The following CDH1 variants were observed in gnomAD, a reference collection of about 807,000 sequenced individuals.
The protein encoded by CDH1 is cadherin-1.
In CDH1, 35 loss-of-function variants were observed where a neutral mutation model predicts 84.5. The ratio of observed to expected loss-of-function variants is 0.41; its 90% confidence interval spans 0.32 to 0.55. CDH1 has a LOEUF of 0.55. CDH1 is among the 20% of genes least tolerant of loss of function. The pLI is 0.19. For synonymous variants in CDH1, 417 were observed against 439.0 expected, an observed-to-expected ratio of 0.95 and a Z score of 0.63; for missense variants, 994 against 1,126.6, an observed-to-expected ratio of 0.88 and a Z score of 1.68.
At chr16:68,832,676 C>T (rs1397804055) in intron 15 of CDH1, among the ~76,000 whole-genome samples, 3 of 151,168 alleles carry the variant, frequency 2.0e-5, no homozygotes, top group South Asian at 2.1e-4. Context: ...AAAAATTAGC[C>T]GGGCATGGTG....
intron 10 of CDH1, among the ~76,000 whole-genome samples, 200 bp downstream of exon 10, chr16:68,815,959 G>A (rs1234111561): frequency 6.6e-6 from 1 of 152,130 alleles, no homozygotes; most frequent in Non-Finnish European, 1.5e-5. Context: ...TTGGTCTGAT[G>A]TGCTGCCTCT....
rs761180883 is a variant in CDH1 at position 68,819,285 on chromosome 16, G to A, written c.1571G>A (p.Arg524Gln). 7 of 1,614,052 alleles carry A rather than the reference G, an allele frequency of 4.3e-6. No individual in the cohort carries two copies. Among genetic ancestry groups the A allele is most frequent in the South Asian group, 1.1e-5 (1 of 91,078 alleles). ...DTFMEQKITY[R>Q]IWRDTANWLE... The stretch of plus-strand genomic sequence containing the variant: ...CAGAGCTTGTCCCCGTTCAGATATC[G>A]GATTTGGAGAGACACTGCCAACTGG... Residue 524 changes from arginine (R) to glutamine (Q), a missense_variant, in exon 11 of 16, where the codon CGG becomes CAG. This residue lies in a region of CDH1 where 769 missense variants were observed against 881.8 expected (regional missense o/e 0.87). Transcript: ENST00000261769.
chr16:68,782,643 C>T (rs756863983), intron 2 of CDH1, among the ~76,000 whole-genome samples: 1 of 152,202 alleles, frequency 6.6e-6, no homozygotes, highest in Non-Finnish European at 1.5e-5. Context: ...CAGGAGGCTA[C>T]AGCCTAGTTC....
At chr16:68,769,519 G>C (rs1303405459) in intron 2 of CDH1, among the ~76,000 whole-genome samples, 2 of 151,292 alleles carry the variant, frequency 1.3e-5, no homozygotes, top group Admixed American at 1.3e-4. Context: ...ATGTTGCCCA[G>C]GCTGGTCTTG....
intron 2 of CDH1, among the ~76,000 whole-genome samples, chr16:68,756,015 C>T (rs776506896): frequency 5.9e-4 from 90 of 151,604 alleles, no homozygotes; most frequent in Admixed American, 1.3e-3. Context: ...AAGCCCTCCT[C>T]GGCCTCCCAA....
In CDH1 at chr16:68,771,522, G is replaced by A. The variant is rs531426383; in HGVS notation, c.164-30148G>A. Reference sequence around the variant, plus strand: ...TAATCCCAGCACTTTGGGAGGTGGAGGCGGGTGGATCACAAGGTCAAGAGA... The same window carrying A: ...TAATCCCAGCACTTTGGGAGGTGGAAGCGGGTGGATCACAAGGTCAAGAGA... On this transcript the variant is annotated intron_variant, in intron 2 of 15. Transcript: ENST00000261769. 3.9e-5 allele frequency among the ~76,000 whole-genome samples: 6 copies of A among 152,182 alleles called. No homozygotes were observed. In the South Asian group the frequency reaches 1.2e-3, roughly 32 times the overall value.
rs1448578747 is a variant in CDH1, at chr16:68,767,075, AG to A, written c.163+28665del. The stretch of plus-strand genomic sequence containing the variant: ...AACTGAGACCCAGAGAAGTTCATTT[AG>A]CTGTGGTCTGCTGTGACAGGGAGAT... On this transcript the variant is annotated intron_variant, in intron 2 of 15. Transcript: ENST00000261769. Among the ~76,000 whole-genome samples the A allele has an allele frequency of 2.0e-5, 3 of 152,130 alleles. No homozygotes were observed. The East Asian group carries it at 5.8e-4, about 30-fold the overall frequency.
intron 2 of CDH1, among the ~76,000 whole-genome samples, chr16:68,743,191 G>A (rs1161870332): frequency 2.0e-5 from 3 of 152,038 alleles, no homozygotes; most frequent in Admixed American, 6.5e-5. Flanking sequence ...CCCCAGATAC[G>A]CCAGAGGCTG....
At position 68,812,270 on chromosome 16, in the gene CDH1, C is replaced by G. The variant is rs1330335697; in HGVS notation, c.1137+7C>G. ...GATCTTCAATCCCACCACGGTAATT[C>G]TATAACTCCTTAGAGGGTTTCCAAA... On this transcript the variant is annotated splice_region_variant and intron_variant, in intron 8 of 15. Transcript: ENST00000261769. 1 of 1,613,740 alleles carries G rather than the reference C, an allele frequency of 6.2e-7. No homozygotes were observed. The highest frequency in any genetic ancestry group is 8.5e-7 in the Non-Finnish European group (1 of 1,179,812).
intron 13 of CDH1, 51 bp from the exon 14 acceptor site, chr16:68,828,123 C>T (rs2152141312): frequency 6.2e-7 from 1 of 1,610,396 alleles, no homozygotes; most frequent in Non-Finnish European, 8.5e-7. Flanking sequence ...TGCTTCTGGC[C>T]TTCTTTATCT....
intron 15 of CDH1, among the ~76,000 whole-genome samples, chr16:68,830,586 GA>G (rs1159412107): frequency 2.6e-5 from 4 of 152,106 alleles, no homozygotes; most frequent in Non-Finnish European, 5.9e-5. Flanking sequence ...TATACAAATA[GA>G]AAGTTGGGGT....
At chr16:68,813,801 A>G (rs1960910993) in intron 9 of CDH1, among the ~76,000 whole-genome samples, 1 of 152,038 alleles carries the variant, frequency 6.6e-6, no homozygotes, top group Non-Finnish European at 1.5e-5. Flanking sequence ...GCATGGTGGC[A>G]CGTGCCTGTA....
chr16:68,812,351 T>C lies in CDH1; in HGVS notation c.1137+88T>C, dbSNP rs2152132856. 1.5e-6 allele frequency: 2 copies of C among 1,376,072 alleles called. 1 individual carries two copies. Among genetic ancestry groups the C allele is most frequent in the South Asian group, 2.3e-5 (2 of 85,724 alleles). 85.2% of individuals were successfully genotyped at this position (1,376,072 alleles called of 1,614,324 possible). On this transcript the variant is annotated intron_variant, in intron 8 of 15. Coordinates refer to ENST00000261769, the MANE Select transcript of CDH1 (RefSeq NM_004360.5). ...GTCACCACTGCTCATGGGCGAAGTC[T>C]TTGAAAACTCTCTCCAGACTAGAGA...
At chr16:68,739,608 A>ATT (rs549473582) in intron 2 of CDH1, among the ~76,000 whole-genome samples, 1 of 79,158 alleles carries the variant, frequency 1.3e-5, no homozygotes, top group Non-Finnish European at 2.3e-5. Flanking sequence ...AGGAATAATG[A>ATT]TTTTTTTTTT....
rs1060501215 is a variant in CDH1, at chr16:68,801,877, G to GC, written c.377dup (p.Pro127AlafsTer41). 6.2e-7 allele frequency: 1 copy of GC among 1,613,408 alleles called. No homozygotes were observed. Among genetic ancestry groups the GC allele is most frequent in the Non-Finnish European group, 8.5e-7 (1 of 1,179,422 alleles). On this transcript the variant is annotated frameshift_variant, in exon 3 of 16. Coordinates refer to ENST00000261769, the MANE Select transcript of CDH1 (RefSeq NM_004360.5). LOFTEE classifies it high-confidence loss of function. ...CTGAATACAGTGGGGCACCACCACC[G>GC]CCCCCCGCCCCATCAGGTATGTTGG...
intron 6 of CDH1, among the ~76,000 whole-genome samples, chr16:68,810,845 G>A (rs1484253360): frequency 6.6e-6 from 1 of 151,018 alleles, no homozygotes. Flanking sequence ...CAGCCTGGGT[G>A]ACAGATCCAG....
At chr16:68,828,332 G>T in intron 14 of CDH1, 28 bp downstream of exon 14, 6 of 1,612,664 alleles carry the variant, frequency 3.7e-6, no homozygotes, top group Non-Finnish European at 5.1e-6. Context: ...TGGTAGCTCA[G>T]TGGTGATCTC....
chr16:68,798,215 A>T (rs1168663571), intron 2 of CDH1, among the ~76,000 whole-genome samples: 2 of 152,166 alleles, frequency 1.3e-5, no homozygotes, highest in Non-Finnish European at 2.9e-5. Flanking sequence ...GTTAAAGAAC[A>T]CTTAGACCCT....
chr16:68,744,342 T>C (rs907913243), intron 2 of CDH1, among the ~76,000 whole-genome samples: 1 of 152,148 alleles, frequency 6.6e-6, no homozygotes, highest in Non-Finnish European at 1.5e-5. Context: ...TGGGAGGGCA[T>C]ATAGCCATTT....
Sources: gnomAD v4.1 joint callset for allele counts (sites outside exome capture counted in the v4.1 genomes callset) on GRCh38, gnomAD v4.1.1 for gene constraint, gnomAD v4.1.1 regional missense constraint, MANE v1.5 for transcripts, NCBI Gene and HGNC (gene_info 2026-07-23, HGNC 2026-07-21) for gene names.